Variants in RORA observed in about 807,000 individuals in gnomAD.
RORA encodes RAR related orphan receptor A, also known as nuclear receptor ROR-alpha.
In RORA, 7 loss-of-function variants were observed where a neutral mutation model predicts 69.5. The observed-to-expected ratio is 0.10, with a 90% CI of 0.06 to 0.19. The LOEUF is 0.19. Ranked by LOEUF, RORA falls within the 10% of genes least tolerant of loss-of-function variation. The pLI is 1.00. For synonymous variants in RORA, 261 were observed against 240.8 expected (o/e 1.08, Z -0.78); for missense variants, 457 against 663.0 (o/e 0.69, Z 3.41).
intron 1 of RORA, among the ~76,000 whole-genome samples, chr15:60,956,778 T>A (rs936194543): frequency 2.6e-5 from 4 of 152,230 alleles, no homozygotes; most frequent in African/African-American, 7.2e-5. Flanking sequence ...GAAAAGTATC[T>A]TAGTAGGCCC....
chr15:61,172,663 A>C (rs996488309), intron 1 of RORA, among the ~76,000 whole-genome samples: 1 of 152,216 alleles, frequency 6.6e-6, no homozygotes, highest in Non-Finnish European at 1.5e-5. Flanking sequence ...CTTCTTGGCA[A>C]TATAACCAGT....
chr15:60,987,301 TA>T (rs1414705300), intron 1 of RORA, among the ~76,000 whole-genome samples: 1 of 152,178 alleles, frequency 6.6e-6, no homozygotes, highest in Non-Finnish European at 1.5e-5. Flanking sequence ...ACGGTCTGTC[TA>T]ATCATAATTA....
chr15:61,048,852 T>G (rs1414907483), intron 1 of RORA, among the ~76,000 whole-genome samples: 1 of 152,166 alleles, frequency 6.6e-6, no homozygotes. Context: ...GACTTACTTT[T>G]GGCCTCAGAC....
intron 1 of RORA, among the ~76,000 whole-genome samples, chr15:60,716,621 G>A (rs1390850971): frequency 6.6e-6 from 1 of 152,148 alleles, no homozygotes; most frequent in Non-Finnish European, 1.5e-5. Context: ...CTCAGGGACA[G>A]GTCTCTGATC....
In RORA at chr15:60,495,787, G is replaced by T. The variant is rs559279414; in HGVS notation, c.*1668C>A. On this transcript the variant is annotated 3_prime_UTR_variant, in exon 11 of 11. Transcript: ENST00000335670. ...GTCTAAATGCCTACATTCCCAAAAG[G>T]TCACTTGTTTTTAAAATATGCACAT... The T allele has an allele frequency of 8.6e-5, 13 of 151,636 alleles. No individual in the cohort carries two copies. Among genetic ancestry groups the T allele is most frequent in the East Asian group, 3.9e-4 (2 of 5,144 alleles). 9.4% of individuals were successfully genotyped at this position (151,636 alleles called of 1,614,324 possible).
At chr15:61,162,874 T>A (rs986044377) in intron 1 of RORA, among the ~76,000 whole-genome samples, 1 of 152,186 alleles carries the variant, frequency 6.6e-6, no homozygotes, top group African/African-American at 2.4e-5. Context: ...AGGCCACTAT[T>A]ACTGGGGAAT....
chr15:60,560,452 G>C (rs2067499075), intron 2 of RORA, among the ~76,000 whole-genome samples: 1 of 152,090 alleles, frequency 6.6e-6, no homozygotes, highest in Admixed American at 6.6e-5. Context: ...CCAGCACTTT[G>C]GGAAGCCAAG....
intron 1 of RORA, among the ~76,000 whole-genome samples, chr15:60,886,360 C>G (rs562465354): frequency 2.5e-4 from 38 of 152,306 alleles, no homozygotes; most frequent in African/African-American, 9.1e-4. Context: ...TTTCCCATCT[C>G]CCGGTCCTAC....
chr15:61,141,059 G>A (rs1024060437), intron 1 of RORA, among the ~76,000 whole-genome samples: 2 of 152,022 alleles, frequency 1.3e-5, no homozygotes, highest in South Asian at 2.1e-4. Context: ...TATCACAACG[G>A]AAAAGTGTAA....
intron 3 of RORA, among the ~76,000 whole-genome samples, chr15:60,522,837 C>T (rs1239195356): frequency 6.7e-6 from 1 of 149,990 alleles, no homozygotes; most frequent in African/African-American, 2.5e-5. Flanking sequence ...TTTGGGAGGC[C>T]GAGGTGGGCA....
At chr15:60,536,135 T>C (rs1190276319) in intron 2 of RORA, among the ~76,000 whole-genome samples, 4 of 152,196 alleles carry the variant, frequency 2.6e-5, no homozygotes, top group Admixed American at 6.5e-5. Context: ...GTTTGACAGT[T>C]CTTAAGGCCG....
chr15:61,061,393 A>C lies in RORA; in HGVS notation c.166+167660T>G, dbSNP rs1380380265. On this transcript the variant is annotated intron_variant, in intron 1 of 10. Transcript: ENST00000335670. The surrounding 1 kb of genome is among the most constrained non-coding windows in gnomAD (Gnocchi z 4.4). ...AATAAATAAATAAATAAATAAATAA[A>C]TAAATACAAGGGCATCGCAGGAAGT... Among the ~76,000 whole-genome samples the C allele has an allele frequency of 6.8e-6, 1 of 147,974 alleles. No homozygotes were observed. Among genetic ancestry groups the C allele is most frequent in the African/African-American group, 2.5e-5 (1 of 39,358 alleles).
At chr15:60,979,957 G>C (rs558055850) in intron 1 of RORA, among the ~76,000 whole-genome samples, 1 of 152,124 alleles carries the variant, frequency 6.6e-6, no homozygotes, top group African/African-American at 2.4e-5. Flanking sequence ...TCATGTTTCT[G>C]ATATTACAGG....
At chr15:61,048,944 G>A (rs751789744) in intron 1 of RORA, among the ~76,000 whole-genome samples, 3 of 152,056 alleles carry the variant, frequency 2.0e-5, no homozygotes, top group African/African-American at 7.3e-5. Context: ...TTGGTTTTCC[G>A]CTATGCCTTT....
At chr15:60,769,094 T>C (rs1444855570) in intron 1 of RORA, among the ~76,000 whole-genome samples, 1 of 152,222 alleles carries the variant, frequency 6.6e-6, no homozygotes, top group East Asian at 1.9e-4. Context: ...CGATTTTACC[T>C]GGTGTGAACA....
At chr15:61,183,858 C>T (rs983664796) in intron 1 of RORA, among the ~76,000 whole-genome samples, 1 of 152,046 alleles carries the variant, frequency 6.6e-6, no homozygotes, top group East Asian at 1.9e-4. Context: ...AGTCTCATGT[C>T]CTCCTTTCAT....
At chr15:61,083,260 T>G (rs2078572185) in intron 1 of RORA, among the ~76,000 whole-genome samples, 1 of 152,326 alleles carries the variant, frequency 6.6e-6, no homozygotes, top group Non-Finnish European at 1.5e-5. Context: ...TGGGTCACAC[T>G]GGCTTCACTA....
intron 3 of RORA, chr15:60,519,972 T>C (rs1451415490): frequency 2.6e-5 from 4 of 152,182 alleles, no homozygotes; most frequent in Non-Finnish European, 5.9e-5. Context: ...GCAGTGGCAC[T>C]GTGGCTCGAA....
chr15:60,848,818 G>C (rs1318553758), intron 1 of RORA: 2 of 152,324 alleles, frequency 1.3e-5, no homozygotes, highest in African/African-American at 4.8e-5. Context: ...AGAATAGCAA[G>C]AGGGAAATCC....
Sources: allele counts gnomAD v4.1 joint callset (sites outside exome capture counted in the v4.1 genomes callset), GRCh38; gene constraint gnomAD v4.1.1; non-coding constraint Gnocchi (gnomAD v3.1); transcripts MANE v1.5; gene names NCBI Gene and HGNC (gene_info 2026-07-23, HGNC 2026-07-21).